Variants in PLCH1 observed in about 807,000 individuals in gnomAD.
PLCH1 encodes 1-phosphatidylinositol 4,5-bisphosphate phosphodiesterase eta-1.
PLCH1 carries 60 observed loss-of-function variants against 126.7 expected under a neutral mutation model. The observed-to-expected ratio is 0.47, with a 90% CI of 0.38 to 0.59. The LOEUF (loss-of-function observed/expected upper bound fraction) is 0.59, where lower values mean the gene tolerates loss of function less well. Ranked by LOEUF, PLCH1 falls within the 20% of genes least tolerant of loss-of-function variation. The probability of loss-of-function intolerance (pLI) is 0.00; values close to 1 mark genes in which losing one functional copy is unlikely to be tolerated. For synonymous variants in PLCH1, 719 were observed against 734.9 expected (o/e 0.98, Z 0.35); for missense variants, 1,723 against 2,040.0 (o/e 0.84, Z 2.99).
chr3:155,586,090 CG>C lies in PLCH1; in HGVS notation c.574del (p.Arg192GlufsTer20). On this transcript the variant is annotated frameshift_variant, in exon 5 of 23. Coordinates refer to ENST00000460012, the MANE Select transcript of PLCH1 (RefSeq NM_014996.4). LOFTEE classifies it high-confidence loss of function. ...LMHKLNVNLP[R>X]RKVRQMFQEA... Reference sequence around the variant, plus strand: ...CTGAAACATTTGTCTGACTTTTCTTCGGGGCAGATTAACATTCAGTTTATGC... The same window carrying C: ...CTGAAACATTTGTCTGACTTTTCTTCGGGCAGATTAACATTCAGTTTATGC... The C allele has an allele frequency of 6.2e-7, 1 of 1,613,964 alleles. No individual in the cohort carries two copies. The highest frequency in any genetic ancestry group is 8.5e-7 in the Non-Finnish European group (1 of 1,179,914).
In PLCH1 at chr3:155,485,625, TTCCGTAC is replaced by T; in HGVS notation, c.2698_2704del (p.Val900SerfsTer33). 6.2e-7 allele frequency: 1 copy of T among 1,612,896 alleles called. No homozygotes were observed. Among genetic ancestry groups the T allele is most frequent in the Non-Finnish European group, 8.5e-7 (1 of 1,180,002 alleles). On this transcript the variant is annotated frameshift_variant, in exon 22 of 23. Transcript: ENST00000460012. LOFTEE classifies it high-confidence loss of function. Reference sequence around the variant, plus strand: ...CAGAATTCTATCTCCAATGGATCGCTTCCGTACATAATGGGAATTGTTTTCTGAAGAA... The same window carrying T: ...CAGAATTCTATCTCCAATGGATCGCTATAATGGGAATTGTTTTCTGAAGAA...
At chr3:155,690,174 T>C (rs1745270269) in intron 2 of PLCH1, among the ~76,000 whole-genome samples, 1 of 152,186 alleles carries the variant, frequency 6.6e-6, no homozygotes, top group Non-Finnish European at 1.5e-5. Flanking sequence ...GAAAAAACTT[T>C]TACCTTAGAA....
At chr3:155,704,732 C>A (rs1746525098) in intron 1 of PLCH1, among the ~76,000 whole-genome samples, 1 of 152,182 alleles carries the variant, frequency 6.6e-6, no homozygotes, top group Non-Finnish European at 1.5e-5. Context: ...CATGAATGAG[C>A]CAAGCACATT....
intron 12 of PLCH1, among the ~76,000 whole-genome samples, chr3:155,513,911 C>G (rs568339129): frequency 5.3e-5 from 8 of 152,278 alleles, no homozygotes; most frequent in African/African-American, 1.9e-4. Context: ...ACTAGGTTAA[C>G]AAAACTCTCG....
At chr3:155,548,419 T>G (rs1160086209) in intron 10 of PLCH1, among the ~76,000 whole-genome samples, 1 of 152,208 alleles carries the variant, frequency 6.6e-6, no homozygotes, top group Non-Finnish European at 1.5e-5. Flanking sequence ...TCAGACTTTC[T>G]GCCTCTGATT....
chr3:155,536,466 G>A (rs899153443), intron 10 of PLCH1, among the ~76,000 whole-genome samples: 2 of 151,962 alleles, frequency 1.3e-5, no homozygotes, highest in South Asian at 2.1e-4. Flanking sequence ...AGAAATAGAC[G>A]GCATCAATAC....
At chr3:155,504,706 G>A (rs1173160020) in intron 12 of PLCH1, 80 bp from the exon 13 acceptor site, 2 of 925,600 alleles carry the variant, frequency 2.2e-6, no homozygotes, top group African/African-American at 3.3e-5. Flanking sequence ...AATAGCAAGG[G>A]GGCCCTCTTT....
intron 2 of PLCH1, among the ~76,000 whole-genome samples, chr3:155,672,838 T>C (rs1668093569): frequency 6.6e-6 from 1 of 152,168 alleles, no homozygotes; most frequent in Non-Finnish European, 1.5e-5. Flanking sequence ...AATGTGGACT[T>C]GAGAGCCTAA....
At chr3:155,636,338 G>T (rs531628076) in intron 2 of PLCH1, among the ~76,000 whole-genome samples, 1 of 152,228 alleles carries the variant, frequency 6.6e-6, no homozygotes, top group African/African-American at 2.4e-5. Flanking sequence ...TGTTTTTATT[G>T]TTGCTATTAG....
chr3:155,473,093 A>G (rs1386796108), intron 21 of PLCH1, among the ~76,000 whole-genome samples: 1 of 144,990 alleles, frequency 6.9e-6, no homozygotes, highest in African/African-American at 2.5e-5. Context: ...ATTAGGCAGG[A>G]GAAGGAAATA....
At position 155,510,292 on chromosome 3, in the gene PLCH1, G is replaced by A. The variant is rs1254620605; in HGVS notation, c.1632+4431C>T. On this transcript the variant is annotated intron_variant, in intron 12 of 22. Transcript: ENST00000460012. ...TTTCCTGAATACAGCACACTGATGGGTCTTGACTGTTTATCCAACTTGCCA... is the reference window on the plus strand; with the variant it reads ...TTTCCTGAATACAGCACACTGATGGATCTTGACTGTTTATCCAACTTGCCA... Among the ~76,000 whole-genome samples, 123 of 96,752 alleles carry A rather than the reference G, an allele frequency of 1.3e-3. 2 individuals carry two copies. The highest frequency in any genetic ancestry group is 0.012 in the Admixed American group (116 of 9,360). 63.5% of individuals were successfully genotyped at this position (96,752 alleles called of 152,430 possible).
At chr3:155,475,049 C>A, downstream of PLCH1, among the ~76,000 whole-genome samples, 1 of 143,712 alleles carries the variant, frequency 7.0e-6, no homozygotes, top group Non-Finnish European at 1.5e-5. Flanking sequence ...GCACAATGTG[C>A]ACATGTACCC....
intron 6 of PLCH1, among the ~76,000 whole-genome samples, chr3:155,574,965 T>C (rs1485857037): frequency 6.6e-6 from 1 of 151,854 alleles, no homozygotes; most frequent in Non-Finnish European, 1.5e-5. Context: ...ACCCCATCTC[T>C]ACTAAAAACA....
chr3:155,475,084 A>T (rs114901549), downstream of PLCH1, among the ~76,000 whole-genome samples: 2,536 of 151,920 alleles, frequency 0.017, 74 homozygotes, highest in African/African-American at 0.058. Flanking sequence ...TTAAAAAAAA[A>T]AAAAGACAAA....
At chr3:155,493,944 G>A (rs1576820295) in intron 17 of PLCH1, among the ~76,000 whole-genome samples, 197 bp downstream of exon 17, 2 of 151,882 alleles carry the variant, frequency 1.3e-5, no homozygotes, top group South Asian at 2.1e-4. Context: ...TAAACATCAC[G>A]GCTAACCAAA....
At chr3:155,557,431 G>A (rs1726968045) in intron 8 of PLCH1, among the ~76,000 whole-genome samples, 1 of 152,084 alleles carries the variant, frequency 6.6e-6, no homozygotes, top group African/African-American at 2.4e-5. Flanking sequence ...AAAACTACAC[G>A]AGTCATGAAA....
chr3:155,465,108 CAAA>C (rs150847303), intron 21 of PLCH1, among the ~76,000 whole-genome samples: 2 of 65,774 alleles, frequency 3.0e-5, no homozygotes, highest in Non-Finnish European at 3.4e-5. Context: ...GACTCTGTCT[CAAA>C]AAAAAAAAAA....
intron 2 of PLCH1, among the ~76,000 whole-genome samples, chr3:155,681,863 T>C (rs112762372): frequency 5.3e-5 from 8 of 150,524 alleles, no homozygotes; most frequent in African/African-American, 2.0e-4. Flanking sequence ...AATAGGGGGG[T>C]TTTTTACTAC....
chr3:155,621,562 C>T (rs1736499884), intron 2 of PLCH1, among the ~76,000 whole-genome samples: 1 of 152,118 alleles, frequency 6.6e-6, no homozygotes, highest in Non-Finnish European at 1.5e-5. Context: ...TAAAGAAGAA[C>T]ACAAATTACC....
Sources: allele counts gnomAD v4.1 joint callset (sites outside exome capture counted in the v4.1 genomes callset), GRCh38; gene constraint gnomAD v4.1.1; transcripts MANE v1.5; gene names NCBI Gene and HGNC (gene_info 2026-07-23, HGNC 2026-07-21).